KCNAB1: variants seen among roughly 807,000 people sequenced by gnomAD.
The protein encoded by KCNAB1 is voltage-gated potassium channel subunit beta-1.
A neutral mutation model predicts 64.6 loss-of-function variants in KCNAB1; 35 were observed. That is an observed-to-expected ratio of 0.54 (90% CI 0.41 to 0.72). The LOEUF is 0.72. KCNAB1 is among the 30% of genes least tolerant of loss of function. The probability of loss-of-function intolerance (pLI) is 0.00; values close to 1 mark genes in which losing one functional copy is unlikely to be tolerated. For synonymous variants in KCNAB1, 177 were observed against 183.8 expected (o/e 0.96, Z 0.30); for missense variants, 401 against 512.9 (o/e 0.78, Z 2.11).
intron 13 of KCNAB1, among the ~76,000 whole-genome samples, chr3:156,535,845 C>G (rs1443496497): frequency 1.3e-5 from 2 of 152,128 alleles, no homozygotes; most frequent in African/African-American, 4.8e-5. Flanking sequence ...TTCAAACTAC[C>G]TCCAGGTGTC....
intron 7 of KCNAB1, chr3:156,474,533 G>A (rs1363295197): frequency 2.4e-6 from 1 of 413,500 alleles, no homozygotes; most frequent in Non-Finnish European, 4.4e-6. Flanking sequence ...AAAGCTCTAA[G>A]ACTTTTTTTA....
At chr3:156,525,324 T>C (rs35842413) in intron 12 of KCNAB1, among the ~76,000 whole-genome samples, 13,325 of 151,540 alleles carry the variant, frequency 0.088, 651 homozygotes, top group Non-Finnish European at 0.11. Context: ...TGACCCTGTG[T>C]AGGCCAAGGC....
chr3:156,220,287 C>T (rs548085399), intron 1 of KCNAB1, among the ~76,000 whole-genome samples: 6 of 152,288 alleles, frequency 3.9e-5, no homozygotes, highest in East Asian at 1.9e-4. Flanking sequence ...CTTGAGGAAT[C>T]GCCACACTGT....
At position 156,460,041 on chromosome 3, in the gene KCNAB1, G is replaced by A; in HGVS notation, c.482+170G>A. 5.7e-6 allele frequency: 3 copies of A among 526,722 alleles called. No individual in the cohort carries two copies. In the South Asian group the frequency reaches 8.8e-5, roughly 16 times the overall value. 32.6% of individuals were successfully genotyped at this position (526,722 alleles called of 1,614,324 possible). A position where few individuals can be genotyped will look rare whatever the true frequency, so the allele number is the denominator to read the frequency against. On this transcript the variant is annotated intron_variant, in intron 5 of 13. Transcript: ENST00000490337. Reference sequence around the variant, plus strand: ...ATAAATGCCGGCAAGTTCACTTCTGGAGCTTCAAAAATTACTGACTAGTCA... The same window carrying A: ...ATAAATGCCGGCAAGTTCACTTCTGAAGCTTCAAAAATTACTGACTAGTCA...
chr3:156,167,707 A>G (rs1711682308), intron 1 of KCNAB1, among the ~76,000 whole-genome samples: 1 of 152,206 alleles, frequency 6.6e-6, no homozygotes. Context: ...ATAAGTGGAG[A>G]TTGAGATTGA....
At chr3:156,227,299 A>T (rs556973961) in intron 1 of KCNAB1, among the ~76,000 whole-genome samples, 1 of 152,350 alleles carries the variant, frequency 6.6e-6, no homozygotes, top group Admixed American at 6.5e-5. Context: ...TGCAAGAATG[A>T]AACTAATTTA....
chr3:156,337,999 C>G (rs1187220625), intron 1 of KCNAB1, among the ~76,000 whole-genome samples: 1 of 152,100 alleles, frequency 6.6e-6, no homozygotes, highest in Non-Finnish European at 1.5e-5. Context: ...GATGTATATA[C>G]AAGTAACAAT....
At chr3:156,505,792 T>C (rs1269923174) in intron 8 of KCNAB1, among the ~76,000 whole-genome samples, 1 of 152,098 alleles carries the variant, frequency 6.6e-6, no homozygotes, top group Non-Finnish European at 1.5e-5. Context: ...CTTATAATCA[T>C]GGTGGAAGGC....
intron 1 of KCNAB1, among the ~76,000 whole-genome samples, chr3:156,155,493 A>G (rs1715663566): frequency 6.6e-6 from 1 of 152,234 alleles, no homozygotes; most frequent in African/African-American, 2.4e-5. Flanking sequence ...TTTAAATAAC[A>G]TAGCCAAGGA....
chr3:156,300,663 T>C (rs1281212955), intron 1 of KCNAB1, among the ~76,000 whole-genome samples: 2 of 152,160 alleles, frequency 1.3e-5, no homozygotes, highest in African/African-American at 2.4e-5. Context: ...TATGAAACAA[T>C]TTCTGTAAAA....
intron 1 of KCNAB1, among the ~76,000 whole-genome samples, chr3:156,253,740 G>T (rs1717955814): frequency 6.6e-6 from 1 of 152,140 alleles, no homozygotes; most frequent in African/African-American, 2.4e-5. Context: ...ACATCAACCT[G>T]GAAACCTGTT....
intron 11 of KCNAB1, among the ~76,000 whole-genome samples, chr3:156,516,927 A>G (rs1315180101): frequency 1.3e-5 from 2 of 152,230 alleles, no homozygotes; most frequent in African/African-American, 2.4e-5. Context: ...TCTGCTCTGA[A>G]GCAAAAAGAT....
intron 8 of KCNAB1, among the ~76,000 whole-genome samples, chr3:156,482,962 C>G (rs1714937988): frequency 6.6e-6 from 1 of 152,066 alleles, no homozygotes; most frequent in South Asian, 2.1e-4. Flanking sequence ...AATTAAGATG[C>G]ATGAGTCACA....
chr3:156,406,250 G>A (rs1276136333), intron 1 of KCNAB1, among the ~76,000 whole-genome samples: 1 of 152,180 alleles, frequency 6.6e-6, no homozygotes, highest in African/African-American at 2.4e-5. Context: ...AATCTGCATT[G>A]TGAAAACCAT....
At chr3:156,379,542 A>G (rs1711994378) in intron 1 of KCNAB1, among the ~76,000 whole-genome samples, 1 of 152,198 alleles carries the variant, frequency 6.6e-6, no homozygotes, top group Non-Finnish European at 1.5e-5. Context: ...TTCCAGGTAC[A>G]GGGAACAGCC....
intron 1 of KCNAB1, among the ~76,000 whole-genome samples, chr3:156,250,106 A>G (rs988171858): frequency 1.3e-5 from 2 of 152,216 alleles, no homozygotes; most frequent in African/African-American, 4.8e-5. Context: ...GAGGTTTTAT[A>G]GCATCTTTGA....
intron 1 of KCNAB1, among the ~76,000 whole-genome samples, chr3:156,285,041 T>G (rs911595201): frequency 7.2e-5 from 11 of 152,336 alleles, no homozygotes; most frequent in African/African-American, 2.4e-4. Context: ...TTTATATATG[T>G]ACAAGAGTGA....
At chr3:156,179,755 AG>A (rs1348090751) in intron 1 of KCNAB1, among the ~76,000 whole-genome samples, 6 of 152,220 alleles carry the variant, frequency 3.9e-5, no homozygotes. Context: ...GTTTTCACTC[AG>A]GAAAAGATTG....
rs551591106 is a variant in KCNAB1 at position 156,202,235 on chromosome 3, A to G, written c.275+81349A>G. On this transcript the variant is annotated intron_variant, in intron 1 of 13. Coordinates refer to ENST00000490337, the MANE Select transcript of KCNAB1 (RefSeq NM_172160.3). The stretch of plus-strand genomic sequence containing the variant: ...CTCCCTGCCAACTCAAGTGTCTGTC[A>G]TGGTTGAGGAGTCTCCTCCTGCTGG... 2.0e-5 allele frequency among the ~76,000 whole-genome samples: 3 copies of G among 152,258 alleles called. No individual in the cohort carries two copies. The South Asian group carries it at 6.2e-4, about 32-fold the overall frequency.
Sources: gnomAD v4.1 joint callset for allele counts (sites outside exome capture counted in the v4.1 genomes callset) on GRCh38, gnomAD v4.1.1 for gene constraint, MANE v1.5 for transcripts, NCBI Gene and HGNC (gene_info 2026-07-23, HGNC 2026-07-21) for gene names.